Variants in FRY observed in about 807,000 individuals in gnomAD.
The protein encoded by FRY is FRY microtubule binding protein.
A neutral mutation model predicts 348.4 loss-of-function variants in FRY; 128 were observed. The ratio of observed to expected loss-of-function variants is 0.37; its 90% CI spans 0.32 to 0.43. FRY has a LOEUF of 0.43. Ranked by LOEUF, FRY falls within the 20% of genes least tolerant of loss-of-function variation. The probability of loss-of-function intolerance (pLI) is 1.00; values close to 1 mark genes in which losing one functional copy is unlikely to be tolerated. For missense variants in FRY, 2,736 were observed against 3,695.2 expected, an observed-to-expected ratio of 0.74 and a Z score of 6.73; for synonymous variants, 1,370 against 1,374.7, an observed-to-expected ratio of 1.00 and a Z score of 0.08.
In FRY at chr13:32,234,414, C is replaced by A. The variant is rs147137153; in HGVS notation, c.5528-160C>A. On this transcript the variant is annotated intron_variant, in intron 41 of 60. Coordinates refer to ENST00000542859, the MANE Select transcript of FRY (RefSeq NM_023037.3). ...CTCCAGCCTGGGCAGCAGAGTGAGA[C>A]CCTGTCTCAAAAAGAGAAAAAAAAA... is the stretch of plus-strand genomic sequence containing the variant. Among the ~76,000 whole-genome samples, 470 of 152,038 alleles carry A rather than the reference C, an allele frequency of 3.1e-3. 3 individuals carry two copies. The highest frequency in any genetic ancestry group is 0.011 in the African/African-American group (450 of 41,446).
chr13:32,121,042 G>A (rs1193887150), intron 4 of FRY, among the ~76,000 whole-genome samples: 1 of 152,160 alleles, frequency 6.6e-6, no homozygotes, highest in Non-Finnish European at 1.5e-5. Context: ...CCATTCCTGA[G>A]TTACTTAACT....
chr13:32,187,876 A>G (rs1883116245), intron 28 of FRY, among the ~76,000 whole-genome samples: 1 of 152,182 alleles, frequency 6.6e-6, no homozygotes, highest in Non-Finnish European at 1.5e-5. Flanking sequence ...GCAAATCTCA[A>G]CAAAGGTCAC....
chr13:32,268,505 A>AAATATATATATAT (rs1555273232), intron 55 of FRY, among the ~76,000 whole-genome samples: 2 of 28,306 alleles, frequency 7.1e-5, no homozygotes, highest in African/African-American at 9.3e-5. Flanking sequence ...AAAAAAAAAA[A>AAATATATATATAT]ATATATATAT....
At chr13:32,265,904 G>A (rs1887902927) in intron 54 of FRY, among the ~76,000 whole-genome samples, 2 of 152,176 alleles carry the variant, frequency 1.3e-5, no homozygotes, top group Non-Finnish European at 1.5e-5. Context: ...TGTAAGCTTT[G>A]AAGATAAGCA....
Position 32,239,074 on chromosome 13 carries a change from T to A in FRY, c.6419-178T>A, listed in dbSNP as rs1566158935. ...CAGATCTACTTTACTGTCTTCTTTG[T>A]AACTGGTGCAATTGTGGTTGTGCAT... On this transcript the variant is annotated intron_variant, in intron 44 of 60. Transcript: ENST00000542859. The surrounding 1 kb of genome is among the most constrained non-coding windows in gnomAD (Gnocchi z 4.3). 6.6e-6 allele frequency among the ~76,000 whole-genome samples: 1 copy of A among 152,226 alleles called. No individual in the cohort carries two copies. Among genetic ancestry groups the A allele is most frequent in the Non-Finnish European group, 1.5e-5 (1 of 68,042 alleles).
intron 44 of FRY, 103 bp downstream of exon 44, chr13:32,238,089 T>A: frequency 7.7e-7 from 1 of 1,294,346 alleles, no homozygotes. Flanking sequence ...CAATTCTGCT[T>A]AAAAATGGTT....
intron 44 of FRY, among the ~76,000 whole-genome samples, chr13:32,238,257 G>C (rs2138458279): frequency 6.6e-6 from 1 of 152,008 alleles, no homozygotes; most frequent in African/African-American, 2.4e-5. Context: ...TCAAACTGCA[G>C]GTGCTGTTAG....
At chr13:32,215,943 A>G (rs945411388) in intron 35 of FRY, among the ~76,000 whole-genome samples, 2 of 152,250 alleles carry the variant, frequency 1.3e-5, no homozygotes, top group Non-Finnish European at 2.9e-5. Context: ...GATTTTTCAT[A>G]GAAAGCTAAA....
chr13:32,221,214 T>C (rs1885295182), intron 36 of FRY, among the ~76,000 whole-genome samples: 1 of 152,214 alleles, frequency 6.6e-6, no homozygotes, highest in African/African-American at 2.4e-5. Context: ...CCACCAGCTC[T>C]GTAAATGTTA....
rs758590202 is a variant in FRY, at chr13:32,061,204, T to A, written c.71-17630T>A. 4 of 529,818 alleles carry A rather than the reference T, an allele frequency of 7.5e-6. No homozygotes were observed. The East Asian group carries it at 1.6e-4, about 22-fold the overall frequency. 32.8% of individuals were successfully genotyped at this position (529,818 alleles called of 1,614,324 possible). On this transcript the variant is annotated intron_variant, in intron 1 of 60. Transcript: ENST00000542859. The stretch of plus-strand genomic sequence containing the variant: ...TGTTAATATGTGTGGAGTGGCTAAC[T>A]GGTTGTTAAATGCTGAGTATGGGAG...
intron 24 of FRY, among the ~76,000 whole-genome samples, chr13:32,184,072 G>A (rs1262582815): frequency 1.3e-5 from 2 of 151,652 alleles, no homozygotes; most frequent in Admixed American, 6.6e-5. Flanking sequence ...CCAGCTACTC[G>A]AGAGGCTGAG....
chr13:32,184,873 C>T, intron 25 of FRY, 103 bp from the exon 26 acceptor site: 1 of 1,142,548 alleles, frequency 8.8e-7, no homozygotes, highest in Non-Finnish European at 1.3e-6. Context: ...TTAGGAACAA[C>T]TTTAGTGTGT....
chr13:32,276,608 T>A (rs1297238645), intron 57 of FRY, 46 bp downstream of exon 57: 1 of 954,084 alleles, frequency 1.0e-6, no homozygotes, highest in Non-Finnish European at 1.7e-6. Context: ...TAAAACCAAA[T>A]GAACCCAACC....
chr13:32,169,306 G>A (rs911309896), intron 17 of FRY, among the ~76,000 whole-genome samples: 2 of 152,040 alleles, frequency 1.3e-5, no homozygotes, highest in Admixed American at 6.5e-5. Flanking sequence ...ATCTAATCAT[G>A]TTTCTTTCCC....
chr13:32,258,012 T>A, intron 51 of FRY: 1 of 1,531,090 alleles, frequency 6.5e-7, no homozygotes, highest in Non-Finnish European at 9.0e-7. Flanking sequence ...TGCTAGTAGA[T>A]GTTTTGCATC....
chr13:32,150,044 A>T (rs1210244307), intron 14 of FRY, among the ~76,000 whole-genome samples: 1 of 152,208 alleles, frequency 6.6e-6, no homozygotes, highest in Non-Finnish European at 1.5e-5. Flanking sequence ...TGAAAGGTTG[A>T]TGTGCTACCA....
chr13:32,049,528 G>A (rs1238166303), intron 1 of FRY, among the ~76,000 whole-genome samples: 2 of 152,058 alleles, frequency 1.3e-5, no homozygotes, highest in African/African-American at 4.8e-5. Context: ...TCCGCCTCCC[G>A]GGTTCACGCC....
rs372000324 is a variant in FRY at position 32,224,292 on chromosome 13, C to T, written c.4823C>T (p.Pro1608Leu). The T allele has an allele frequency of 5.6e-6, 9 of 1,613,888 alleles. No individual in the cohort carries two copies. Among genetic ancestry groups the T allele is most frequent in the Admixed American group, 5.0e-5 (3 of 59,998 alleles). The change falls in exon 37 of 61, where the codon CCG becomes CTG. Residue 1608 changes from proline (P) to leucine (L), a missense_variant. By Grantham distance (98) the Pro-to-Leu change is moderately conservative (BLOSUM62 -3). Transcript: ENST00000542859. ...WLLTITETKQ[P>L]QPLPMPCTGG... ...CTGACTATTACAGAGACCAAGCAGC[C>T]GCAGCCCTTACCGATGCCTTGTACT...
chr13:32,292,740 T>C (rs1027334079), intron 59 of FRY, among the ~76,000 whole-genome samples: 3 of 151,888 alleles, frequency 2.0e-5, no homozygotes, highest in African/African-American at 7.3e-5. Flanking sequence ...TGCAGTGAGC[T>C]GAGATCATGT....
Sources: allele counts gnomAD v4.1 joint callset (sites outside exome capture counted in the v4.1 genomes callset), GRCh38; gene constraint gnomAD v4.1.1; non-coding constraint Gnocchi (gnomAD v3.1); transcripts MANE v1.5; gene names NCBI Gene and HGNC (gene_info 2026-07-23, HGNC 2026-07-21).